LINGO2: variants seen among roughly 807,000 people sequenced by gnomAD.
LINGO2 encodes leucine rich repeat and Ig domain containing 2, also known as leucine-rich repeat and immunoglobulin-like domain-containing nogo receptor-interacting protein 2.
In LINGO2, 14 loss-of-function variants were observed where a neutral mutation model predicts 30.6. The ratio of observed to expected loss-of-function variants is 0.46; its 90% confidence interval spans 0.30 to 0.72. LINGO2 has a LOEUF of 0.72. Among genes scored for constraint, LINGO2 ranks in the 30% least tolerant of loss-of-function variants. The probability of loss-of-function intolerance (pLI) is 0.07; values close to 1 mark genes in which losing one functional copy is unlikely to be tolerated. For missense variants in LINGO2, 729 were observed against 751.7 expected, an observed-to-expected ratio of 0.97 and a Z score of 0.35; for synonymous variants, 317 against 288.5, an observed-to-expected ratio of 1.10 and a Z score of -1.00.
intron 4 of LINGO2, among the ~76,000 whole-genome samples, chr9:28,201,964 T>C (rs994830325): frequency 1.3e-5 from 2 of 152,174 alleles, no homozygotes; most frequent in African/African-American, 4.8e-5. Flanking sequence ...GGTTGGTTCC[T>C]TCTGGGGGCT....
the LINGO2 span, among the ~76,000 whole-genome samples, chr9:28,990,225 C>G: frequency 1.3e-5 from 2 of 152,186 alleles, no homozygotes; most frequent in Non-Finnish European, 2.9e-5. Flanking sequence ...CTCGGAGGGT[C>G]CTACGCCCAC....
chr9:28,017,549 A>T (rs1438978754), intron 4 of LINGO2, among the ~76,000 whole-genome samples: 1 of 152,212 alleles, frequency 6.6e-6, no homozygotes, highest in Non-Finnish European at 1.5e-5. Context: ...TCTATAAATC[A>T]GTAGTACTTC....
At chr9:29,015,254 G>A in the LINGO2 span, among the ~76,000 whole-genome samples, 1 of 152,060 alleles carries the variant, frequency 6.6e-6, no homozygotes. Context: ...CCACTACACA[G>A]TCTATGCACA....
the LINGO2 span, among the ~76,000 whole-genome samples, chr9:28,988,704 G>C: frequency 1.3e-5 from 2 of 152,196 alleles, no homozygotes; most frequent in Non-Finnish European, 2.9e-5. Context: ...AAAGAAACTA[G>C]ATAAGTGCTT....
intron 4 of LINGO2, among the ~76,000 whole-genome samples, chr9:28,226,592 AAAAG>A (rs1381950893): frequency 1.5e-4 from 23 of 151,392 alleles, no homozygotes; most frequent in Non-Finnish European, 2.9e-4. Flanking sequence ...AGAGAAAGAA[AAAAG>A]AAAGAAAGAA....
At chr9:28,383,872 A>T (rs1285084431) in intron 2 of LINGO2, among the ~76,000 whole-genome samples, 1 of 151,980 alleles carries the variant, frequency 6.6e-6, no homozygotes, top group Admixed American at 6.6e-5. Flanking sequence ...TTTCCACCTC[A>T]CCTGCAGTGC....
chr9:29,045,512 A>G, the LINGO2 span, among the ~76,000 whole-genome samples: 4 of 152,050 alleles, frequency 2.6e-5, no homozygotes, highest in African/African-American at 9.7e-5. Context: ...GACATAAAAG[A>G]ATAAAAAACA....
chr9:28,203,015 C>G (rs1252033510), intron 4 of LINGO2, among the ~76,000 whole-genome samples: 1 of 152,130 alleles, frequency 6.6e-6, no homozygotes, highest in Non-Finnish European at 1.5e-5. Context: ...TACTTAGAAC[C>G]TAATGGGTAC....
the LINGO2 span, among the ~76,000 whole-genome samples, chr9:28,765,552 G>A: frequency 6.6e-6 from 1 of 152,030 alleles, no homozygotes; most frequent in East Asian, 1.9e-4. Context: ...TGGAGAGATG[G>A]AATTCTTTCT....
chr9:28,705,423 G>A, the LINGO2 span, among the ~76,000 whole-genome samples: 1 of 151,992 alleles, frequency 6.6e-6, no homozygotes, highest in East Asian at 1.9e-4. Flanking sequence ...TCCACAATCT[G>A]TCTCCTTGGG....
intron 4 of LINGO2, among the ~76,000 whole-genome samples, chr9:28,198,538 T>G (rs1180658219): frequency 6.6e-6 from 1 of 152,176 alleles, no homozygotes; most frequent in Non-Finnish European, 1.5e-5. Flanking sequence ...ATTTAGAACT[T>G]ATTTTGCTAT....
the LINGO2 span, among the ~76,000 whole-genome samples, chr9:28,789,857 C>A: frequency 6.6e-6 from 1 of 152,106 alleles, no homozygotes; most frequent in Non-Finnish European, 1.5e-5. Context: ...AATCTCTACA[C>A]TTCCTTTTAC....
intron 5 of LINGO2, among the ~76,000 whole-genome samples, chr9:27,954,887 T>C (rs1819491589): frequency 6.6e-6 from 1 of 152,238 alleles, no homozygotes; most frequent in African/African-American, 2.4e-5. Flanking sequence ...AGAGTTCCTT[T>C]TTCTGCACAT....
chr9:29,194,587 A>G, the LINGO2 span, among the ~76,000 whole-genome samples: 7 of 152,124 alleles, frequency 4.6e-5, no homozygotes, highest in African/African-American at 1.2e-4. Context: ...AATAGTCCCT[A>G]TGATCTCCAA....
At chr9:28,576,185 G>A (rs1366319054) in intron 1 of LINGO2, among the ~76,000 whole-genome samples, 2 of 152,194 alleles carry the variant, frequency 1.3e-5, no homozygotes, top group East Asian at 1.9e-4. Flanking sequence ...TACGCTCATA[G>A]AGTCTCAATT....
chr9:28,947,829 G>A, the LINGO2 span, among the ~76,000 whole-genome samples: 1 of 151,754 alleles, frequency 6.6e-6, no homozygotes, highest in African/African-American at 2.4e-5. Flanking sequence ...ACAACATGAA[G>A]CAATTTCAAC....
chr9:28,445,462 A>C (rs1824385083), intron 2 of LINGO2, among the ~76,000 whole-genome samples: 1 of 152,196 alleles, frequency 6.6e-6, no homozygotes, highest in Admixed American at 6.5e-5. Context: ...AGCTAGAAAA[A>C]CAGGAAATAA....
At chr9:28,007,416 C>T (rs937193551) in intron 5 of LINGO2, among the ~76,000 whole-genome samples, 3 of 152,116 alleles carry the variant, frequency 2.0e-5, no homozygotes, top group African/African-American at 7.2e-5. Flanking sequence ...TAAAGGCTTA[C>T]TAGCAGAAAA....
the LINGO2 span, among the ~76,000 whole-genome samples, chr9:28,839,383 C>A: frequency 6.6e-6 from 1 of 152,196 alleles, no homozygotes; most frequent in South Asian, 2.1e-4. Flanking sequence ...CTCCTTTCCA[C>A]AGGCATGTCA....
Sources: gnomAD v4.1 joint callset for allele counts (sites outside exome capture counted in the v4.1 genomes callset) on GRCh38, gnomAD v4.1.1 for gene constraint, MANE v1.5 for transcripts, NCBI Gene and HGNC (gene_info 2026-07-23, HGNC 2026-07-21) for gene names.